CCDC15: variants seen among roughly 807,000 people sequenced by gnomAD.
CCDC15 encodes coiled-coil domain-containing protein 15.
A neutral mutation model predicts 114.5 loss-of-function variants in CCDC15; 105 were observed. That is an observed-to-expected ratio of 0.92 (90% CI 0.78 to 1.08). CCDC15 has a LOEUF of 1.08. CCDC15 is among the 50% of genes least tolerant of loss of function. CCDC15 has a pLI of 0.00. For missense variants in CCDC15, 1,105 were observed against 1,093.6 expected (o/e 1.01, Z -0.15); for synonymous variants, 334 against 377.8 (o/e 0.88, Z 1.34).
intron 6 of CCDC15, among the ~76,000 whole-genome samples, 173 bp from the exon 7 acceptor site, chr11:124,986,569 T>C (rs1345580031): frequency 6.6e-6 from 1 of 152,212 alleles, no homozygotes; most frequent in African/African-American, 2.4e-5. Flanking sequence ...TTGTATAACA[T>C]TTGACTATGC....
intron 13 of CCDC15, among the ~76,000 whole-genome samples, chr11:125,013,351 A>G (rs1948608249): frequency 6.6e-6 from 1 of 152,204 alleles, no homozygotes; most frequent in South Asian, 2.1e-4. Context: ...GTGAAGTGGC[A>G]GAGAATCTAT....
intron 4 of CCDC15, among the ~76,000 whole-genome samples, chr11:124,967,977 CAAATATTGCAG>C (rs1442212736): frequency 5.9e-5 from 9 of 152,158 alleles, no homozygotes; most frequent in African/African-American, 2.2e-4. Flanking sequence ...TGCAGAACAG[CAAATATTGCAG>C]AACAGCAAAT....
chr11:124,990,211 G>C (rs1309235190), intron 8 of CCDC15, among the ~76,000 whole-genome samples: 1 of 152,284 alleles, frequency 6.6e-6, no homozygotes, highest in East Asian at 1.9e-4. Flanking sequence ...AGGAGAGGTA[G>C]GGGGGTGGCC....
In CCDC15 at chr11:125,038,964, C is replaced by T. The variant is rs61756704; in HGVS notation, c.2629C>T (p.Leu877=). ...AGCCCAAATCCAGGAGAAAATGCAG[C>T]TGTATAATATTACTTTACCTCCACT... The part of the protein sequence containing the change: ...LRAQIQEKMQ[L]YNITLPPLCC... The change falls in exon 15 of 16, where the codon CTG becomes TTG. Residue 877 remains leucine, a synonymous_variant. Transcript: ENST00000344762. 2.3e-4 allele frequency: 365 copies of T among 1,613,284 alleles called. No homozygotes were observed. The African/African-American group carries it at 4.5e-3, about 20-fold the overall frequency.
chr11:125,000,010 C>T (rs578243214), intron 11 of CCDC15, among the ~76,000 whole-genome samples: 1 of 151,660 alleles, frequency 6.6e-6, no homozygotes, highest in African/African-American at 2.4e-5. Context: ...TACAGGCGCC[C>T]ACCACCACGC....
Position 124,987,266 on chromosome 11 carries a change from A to G in CCDC15, c.1040A>G (p.Gln347Arg), listed in dbSNP as rs759034534. 3.1e-6 allele frequency: 5 copies of G among 1,588,066 alleles called. No individual in the cohort carries two copies. In the African/African-American group the frequency reaches 5.4e-5, roughly 17 times the overall value. ...GCCCAAGGTGATTTGCTGGAAACCC[A>G]GGGTGATTTGACAGGAATCCAGAGT... ...LEAQGDLLET[Q>R]GDLTGIQSVK... The change falls in exon 8 of 16, where the codon CAG (glutamine) becomes CGG (arginine). Residue 347 changes from glutamine (Q) to arginine (R), a missense_variant. By Grantham distance (43) the Gln-to-Arg change is conservative. Coordinates refer to ENST00000344762, the MANE Select transcript of CCDC15 (RefSeq NM_025004.3).
intron 11 of CCDC15, among the ~76,000 whole-genome samples, chr11:124,999,146 GTTC>G (rs1948429567): frequency 6.6e-6 from 1 of 152,072 alleles, no homozygotes; most frequent in Non-Finnish European, 1.5e-5. Flanking sequence ...TTGAGTCATT[GTTC>G]TTCTATATGT....
chr11:124,978,989 T>A (rs1948022528), intron 6 of CCDC15, among the ~76,000 whole-genome samples: 1 of 152,118 alleles, frequency 6.6e-6, no homozygotes, highest in Non-Finnish European at 1.5e-5. Context: ...GCATAAGGAA[T>A]GAGTCCAGTT....
chr11:124,958,425 A>G (rs953412346), intron 2 of CCDC15, among the ~76,000 whole-genome samples: 2 of 152,164 alleles, frequency 1.3e-5, no homozygotes, highest in African/African-American at 4.8e-5. Flanking sequence ...AGTTCTTCCA[A>G]CATGGCCCAG....
chr11:124,964,886 C>T (rs1027671552), intron 4 of CCDC15, among the ~76,000 whole-genome samples: 5 of 152,166 alleles, frequency 3.3e-5, no homozygotes, highest in African/African-American at 1.2e-4. Flanking sequence ...TTTTCTGCAT[C>T]TATTGAGATA....
chr11:124,963,052 A>G (rs1042346652), intron 4 of CCDC15, among the ~76,000 whole-genome samples: 6 of 152,178 alleles, frequency 3.9e-5, no homozygotes, highest in Admixed American at 3.3e-4. Context: ...TCTATCACTG[A>G]TGGACATTTG....
At chr11:125,006,524 G>A (rs1487612983) in intron 13 of CCDC15, among the ~76,000 whole-genome samples, 1 of 152,150 alleles carries the variant, frequency 6.6e-6, no homozygotes, top group Non-Finnish European at 1.5e-5. Flanking sequence ...GCAAAATGAA[G>A]TCTGCCTAAT....
chr11:124,966,676 C>G (rs1428583185), intron 4 of CCDC15, among the ~76,000 whole-genome samples: 2 of 152,130 alleles, frequency 1.3e-5, no homozygotes, highest in African/African-American at 4.8e-5. Flanking sequence ...GAATTTGGTC[C>G]TGTCATTATA....
At chr11:125,013,174 A>G (rs1352257961) in intron 13 of CCDC15, among the ~76,000 whole-genome samples, 1 of 152,198 alleles carries the variant, frequency 6.6e-6, no homozygotes, top group Non-Finnish European at 1.5e-5. Flanking sequence ...AAAGTGAGGC[A>G]GGGATAGTCT....
intron 11 of CCDC15, among the ~76,000 whole-genome samples, chr11:124,996,030 A>C (rs1948363482): frequency 1.3e-5 from 2 of 151,834 alleles, no homozygotes; most frequent in Admixed American, 1.3e-4. Flanking sequence ...GGGTTTCGTC[A>C]TGTTTGCCAT....
chr11:124,981,577 C>T (rs917210629), intron 6 of CCDC15, among the ~76,000 whole-genome samples: 1 of 152,066 alleles, frequency 6.6e-6, no homozygotes, highest in Non-Finnish European at 1.5e-5. Context: ...ACTCAGTGAT[C>T]TCTTTAATAT....
chr11:124,978,473 C>T (rs1052845160), intron 6 of CCDC15, among the ~76,000 whole-genome samples: 2 of 152,066 alleles, frequency 1.3e-5, no homozygotes, highest in Non-Finnish European at 2.9e-5. Context: ...ATTTACATTC[C>T]CCTTAGTGGT....
chr11:124,989,695 T>A (rs548415329), intron 8 of CCDC15, among the ~76,000 whole-genome samples: 2 of 152,338 alleles, frequency 1.3e-5, no homozygotes, highest in African/African-American at 4.8e-5. Context: ...CACTTACCGC[T>A]TCACCTTGCC....
intron 13 of CCDC15, among the ~76,000 whole-genome samples, chr11:125,034,305 G>T (rs951760847): frequency 6.6e-6 from 1 of 152,190 alleles, no homozygotes; most frequent in Non-Finnish European, 1.5e-5. Flanking sequence ...ATTCCCAGTT[G>T]CAAGGTCCCA....
Sources: allele counts gnomAD v4.1 joint callset (sites outside exome capture counted in the v4.1 genomes callset), GRCh38; gene constraint gnomAD v4.1.1; transcripts MANE v1.5; gene names NCBI Gene and HGNC (gene_info 2026-07-23, HGNC 2026-07-21).